The following NELL1 variants were observed in gnomAD, a reference collection of about 807,000 sequenced individuals.
The protein encoded by NELL1 is protein kinase C-binding protein NELL1.
In NELL1, 76 loss-of-function variants were observed where a neutral mutation model predicts 107.4. The ratio of observed to expected loss-of-function variants is 0.71; its 90% confidence interval spans 0.59 to 0.86. The LOEUF (loss-of-function observed/expected upper bound fraction) is 0.86, where lower values mean the gene tolerates loss of function less well. NELL1 is among the 40% of genes least tolerant of loss of function. NELL1 has a pLI of 0.00. For synonymous variants in NELL1, 353 were observed against 341.2 expected (o/e 1.03, Z -0.38); for missense variants, 1,024 against 1,005.5 (o/e 1.02, Z -0.25).
intron 15 of NELL1, among the ~76,000 whole-genome samples, chr11:21,490,167 A>T (rs1476529483): frequency 1.3e-5 from 2 of 152,078 alleles, no homozygotes; most frequent in African/African-American, 2.4e-5. Flanking sequence ...AGAGGAAAAA[A>T]ATCAAGAAAG....
intron 13 of NELL1, among the ~76,000 whole-genome samples, chr11:21,223,587 C>T (rs760776510): frequency 6.6e-6 from 1 of 152,084 alleles, no homozygotes; most frequent in Non-Finnish European, 1.5e-5. Flanking sequence ...TAGATGAGTA[C>T]TTACTCCTCT....
At chr11:21,569,446 A>T (rs1046801271) in intron 17 of NELL1, among the ~76,000 whole-genome samples, 4 of 145,756 alleles carry the variant, frequency 2.7e-5, no homozygotes, top group African/African-American at 1.0e-4. Flanking sequence ...TATTAAATAC[A>T]TGGTAGAATA....
chr11:20,914,906 A>C (rs1850211817), intron 5 of NELL1, among the ~76,000 whole-genome samples: 1 of 152,048 alleles, frequency 6.6e-6, no homozygotes, highest in African/African-American at 2.4e-5. Flanking sequence ...CTGTTCTTTC[A>C]ACCTCTTCCA....
At chr11:21,410,196 A>G (rs1852341497) in intron 15 of NELL1, among the ~76,000 whole-genome samples, 1 of 152,036 alleles carries the variant, frequency 6.6e-6, no homozygotes, top group Non-Finnish European at 1.5e-5. Flanking sequence ...TCCATCATGT[A>G]GACACAAAAA....
At chr11:21,193,142 T>C (rs1857081496) in intron 13 of NELL1, among the ~76,000 whole-genome samples, 1 of 151,858 alleles carries the variant, frequency 6.6e-6, no homozygotes, top group Admixed American at 6.6e-5. Flanking sequence ...ATTTGACTAC[T>C]AATATGCGAA....
At chr11:21,229,984 G>A (rs1206463715) in intron 14 of NELL1, among the ~76,000 whole-genome samples, 1 of 152,120 alleles carries the variant, frequency 6.6e-6, no homozygotes, top group Non-Finnish European at 1.5e-5. Context: ...GCTCCTCACA[G>A]CTGACACCTC....
At chr11:21,006,183 C>T (rs75164307) in intron 12 of NELL1, among the ~76,000 whole-genome samples, 2,589 of 152,068 alleles carry the variant, frequency 0.017, 75 homozygotes, top group African/African-American at 0.059. Context: ...AAAGCTTAAT[C>T]CCCAAATTTA....
intron 15 of NELL1, among the ~76,000 whole-genome samples, chr11:21,464,714 T>C (rs573300289): frequency 1.3e-5 from 2 of 152,278 alleles, no homozygotes; most frequent in South Asian, 4.1e-4. Context: ...TGTGTCCCTT[T>C]AACTACTAGA....
Position 21,460,740 on chromosome 11 carries a change from A to G in NELL1, c.1646-73634A>G, listed in dbSNP as rs539517538. Among the ~76,000 whole-genome samples, 13 of 152,098 alleles carry G rather than the reference A, an allele frequency of 8.5e-5. No individual in the cohort carries two copies. In the South Asian group the frequency reaches 2.3e-3, roughly 27 times the overall value. On this transcript the variant is annotated intron_variant, in intron 15 of 19. Coordinates refer to ENST00000357134, the MANE Select transcript of NELL1 (RefSeq NM_006157.5). ...CAAGTTCTGTAACTAGCCTATTTCT[A>G]TTTTCTGCTCCAATAACTTAGTAAG...
chr11:21,001,503 G>A (rs552667985), intron 12 of NELL1, among the ~76,000 whole-genome samples: 205 of 150,732 alleles, frequency 1.4e-3, no homozygotes, highest in Admixed American at 4.2e-3. Context: ...TAAGGGGCAT[G>A]AATGGAAAGG....
At position 20,908,712 on chromosome 11, in the gene NELL1, T is replaced by A. The variant is rs183186395; in HGVS notation, c.604-9470T>A. 4.6e-5 allele frequency among the ~76,000 whole-genome samples: 7 copies of A among 152,248 alleles called. No homozygotes were observed. In the East Asian group the frequency reaches 9.7e-4, roughly 21 times the overall value. On this transcript the variant is annotated intron_variant, in intron 5 of 19. Transcript: ENST00000357134. ...AATAAAATTTAAAGTAAAAATAAAA[T>A]TTTGATTAAAAAAGTTAAAAAATAA...
Position 21,376,182 on chromosome 11 carries a change from C to T in NELL1, c.1645+5234C>T, listed in dbSNP as rs191887381. The stretch of plus-strand genomic sequence containing the variant: ...TTTATAGGATTCTACAGTTTGAGGT[C>T]TTATATTTAATTCTTTAATCCATCT... On this transcript the variant is annotated intron_variant, in intron 15 of 19. Transcript: ENST00000357134. 1.6e-3 allele frequency among the ~76,000 whole-genome samples: 245 copies of T among 151,996 alleles called. 2 individuals are homozygous for T. Among genetic ancestry groups the T allele is most frequent in the African/African-American group, 5.5e-3 (228 of 41,494 alleles).
chr11:20,830,895 C>G (rs2134036672), intron 3 of NELL1, among the ~76,000 whole-genome samples: 1 of 152,238 alleles, frequency 6.6e-6, no homozygotes, highest in East Asian at 1.9e-4. Flanking sequence ...CAAACACTTC[C>G]CACTAGGCCC....
intron 14 of NELL1, among the ~76,000 whole-genome samples, chr11:21,301,282 A>G (rs1849486127): frequency 6.6e-6 from 1 of 152,146 alleles, no homozygotes; most frequent in Non-Finnish European, 1.5e-5. Flanking sequence ...GCTGGGTCAA[A>G]TGGTATTTCT....
chr11:21,245,466 T>C (rs1220697513), intron 14 of NELL1, among the ~76,000 whole-genome samples: 1 of 152,182 alleles, frequency 6.6e-6, no homozygotes, highest in African/African-American at 2.4e-5. Context: ...AAATATCTTT[T>C]CTCTCATTTT....
At chr11:21,209,319 C>T (rs1670660) in intron 13 of NELL1, among the ~76,000 whole-genome samples, 106,353 of 146,308 alleles carry the variant, frequency 0.73, 41,556 homozygotes, top group Non-Finnish European at 0.87. Flanking sequence ...ATAAATGGTA[C>T]ATATGTATAT....
In NELL1 at chr11:20,882,015, T is replaced by A. The variant is rs796376254; in HGVS notation, c.507-3429T>A. ...GAGTTCACTATATTAGCTGTGACTT[T>A]CATTTTAGTTGACTTGGGTGACGCC... On this transcript the variant is annotated intron_variant, in intron 4 of 19. Coordinates refer to ENST00000357134, the MANE Select transcript of NELL1 (RefSeq NM_006157.5). 1.8e-4 allele frequency among the ~76,000 whole-genome samples: 28 copies of A among 152,326 alleles called. 1 individual carries two copies. Among genetic ancestry groups the A allele is most frequent in the African/African-American group, 6.7e-4 (28 of 41,582 alleles).
intron 12 of NELL1, among the ~76,000 whole-genome samples, chr11:21,095,166 A>G (rs976748659): frequency 1.3e-5 from 2 of 152,148 alleles, no homozygotes; most frequent in African/African-American, 4.8e-5. Context: ...GCAGGGGCAA[A>G]ATGCTCCCAG....
intron 5 of NELL1, among the ~76,000 whole-genome samples, chr11:20,907,316 TAA>T (rs1305098113): frequency 6.6e-6 from 1 of 151,900 alleles, no homozygotes; most frequent in African/African-American, 2.4e-5. Flanking sequence ...AAAGTATTTT[TAA>T]ATTATGTATC....
Sources: allele counts gnomAD v4.1 joint callset (sites outside exome capture counted in the v4.1 genomes callset), GRCh38; gene constraint gnomAD v4.1.1; transcripts MANE v1.5; gene names NCBI Gene and HGNC (gene_info 2026-07-23, HGNC 2026-07-21).